The following RC3H1 variants were observed in gnomAD, a reference collection of about 807,000 sequenced individuals.
The protein encoded by RC3H1 is roquin-1.
Under a neutral mutation model 138.2 loss-of-function variants are expected in RC3H1, and 50 were observed. That is an observed-to-expected ratio of 0.36 (90% CI 0.29 to 0.46). The LOEUF (loss-of-function observed/expected upper bound fraction) is 0.46, where lower values mean the gene tolerates loss of function less well. Among genes scored for constraint, RC3H1 ranks in the 20% least tolerant of loss-of-function variants. The pLI, the probability that RC3H1 is intolerant of heterozygous loss-of-function variation, is 1.00. For missense variants in RC3H1, 1,031 were observed against 1,388.1 expected, an observed-to-expected ratio of 0.74 and a Z score of 4.09; for synonymous variants, 462 against 489.1, an observed-to-expected ratio of 0.94 and a Z score of 0.73.
At chr1:174,019,550 A>G (rs1014663165) in intron 1 of RC3H1, among the ~76,000 whole-genome samples, 1 of 152,230 alleles carries the variant, frequency 6.6e-6, no homozygotes, top group Non-Finnish European at 1.5e-5. Context: ...ATTTTTATTC[A>G]TTCAACAAAT....
rs1359841977 is a variant in RC3H1, at chr1:173,952,017, T to C, written c.2492A>G (p.Asp831Gly). Residue 831 changes from aspartate to glycine, a missense_variant, in exon 14 of 20, where the codon GAT (aspartate) becomes GGT (glycine). This residue lies in a region of RC3H1 where 716 missense variants were observed against 837.9 expected (regional missense o/e 0.85). Transcript: ENST00000367696. ...YIGTKDAKPK[D>G]VVAAGSVEMM... ...TTCCACACTCCCTGCTGCCACAACA[T>C]CTTTGGGTTTTGCATCTTTGGTTCC... The C allele has an allele frequency of 1.2e-6, 2 of 1,608,482 alleles. No homozygotes were observed. Among genetic ancestry groups the C allele is most frequent in the African/African-American group, 1.3e-5 (1 of 74,798 alleles).
chr1:173,951,329 C>CA (rs924169350), intron 14 of RC3H1, among the ~76,000 whole-genome samples: 2 of 151,358 alleles, frequency 1.3e-5, no homozygotes, highest in Non-Finnish European at 2.9e-5. Flanking sequence ...CCATCCCCCC[C>CA]CCAAAAAAAG....
At chr1:173,955,740 ATATT>A (rs1341239089) in intron 13 of RC3H1, among the ~76,000 whole-genome samples, 2 of 152,178 alleles carry the variant, frequency 1.3e-5, no homozygotes, top group African/African-American at 4.8e-5. Flanking sequence ...TCATAAGGAG[ATATT>A]TATTTAGCCC....
intron 1 of RC3H1, among the ~76,000 whole-genome samples, chr1:174,016,374 T>C (rs1394124703): frequency 6.6e-6 from 1 of 150,924 alleles, no homozygotes; most frequent in Non-Finnish European, 1.5e-5. Flanking sequence ...TACTGCAGAG[T>C]TCTAAATATT....
chr1:173,964,744 G>GT (rs10709709), intron 10 of RC3H1, 95 bp downstream of exon 10: 38,504 of 888,920 alleles, frequency 0.043, no homozygotes, highest in South Asian at 0.062. Flanking sequence ...AATAATCAGG[G>GT]TTTTTTTTTT....
intron 13 of RC3H1, among the ~76,000 whole-genome samples, chr1:173,955,387 G>A (rs1571184534): frequency 1.4e-5 from 2 of 143,666 alleles, no homozygotes; most frequent in Non-Finnish European, 3.0e-5. Context: ...GCGCGATCTC[G>A]GCTCACTGCA....
At chr1:173,989,151 G>A (rs147992755) in intron 2 of RC3H1, among the ~76,000 whole-genome samples, 48 of 152,304 alleles carry the variant, frequency 3.2e-4, no homozygotes, top group Non-Finnish European at 4.7e-4. Flanking sequence ...TGCCACCTCA[G>A]CCTCACAGAT....
chr1:173,947,553 C>T lies in RC3H1; in HGVS notation c.2553G>A (p.Gln851=), dbSNP rs1659185581. Residue 851 remains glutamine (Q), a synonymous_variant, in exon 15 of 20, where the codon CAG becomes CAA. Transcript: ENST00000367696. ...CTGCTCTTCTCTGAAGATCTAATCGCTGGTCCCTCATTCCTTTACTCTCCA... is the reference window on the plus strand; with the variant it reads ...CTGCTCTTCTCTGAAGATCTAATCGTTGGTCCCTCATTCCTTTACTCTCCA... ...MNVESKGMRD[Q]RLDLQRRAAE... is the part of the protein sequence containing the mutation. The T allele has an allele frequency of 6.2e-7, 1 of 1,614,040 alleles. No homozygotes were observed. Among genetic ancestry groups the T allele is most frequent in the Non-Finnish European group, 8.5e-7 (1 of 1,179,996 alleles).
intron 1 of RC3H1, among the ~76,000 whole-genome samples, chr1:173,998,138 T>C (rs1352299020): frequency 6.6e-6 from 1 of 151,842 alleles, no homozygotes; most frequent in Non-Finnish European, 1.5e-5. Flanking sequence ...GTCAGCAAAC[T>C]AAAAAAGGGC....
intron 13 of RC3H1, among the ~76,000 whole-genome samples, chr1:173,960,464 T>C (rs953423255): frequency 1.3e-5 from 2 of 152,210 alleles, no homozygotes; most frequent in African/African-American, 2.4e-5. Flanking sequence ...ATTTTTGGTA[T>C]GAAATCCTTG....
At chr1:173,940,993 T>C (rs544957679) in intron 19 of RC3H1, among the ~76,000 whole-genome samples, 3 of 152,208 alleles carry the variant, frequency 2.0e-5, no homozygotes, top group Admixed American at 1.3e-4. Context: ...AACTAATCTT[T>C]GTATTTTTAG....
intron 1 of RC3H1, among the ~76,000 whole-genome samples, chr1:174,012,072 G>A (rs2103096757): frequency 6.6e-6 from 1 of 152,084 alleles, no homozygotes; most frequent in South Asian, 2.1e-4. Context: ...TTAGCAGGGT[G>A]TGCTGGCACG....
intron 4 of RC3H1, 43 bp from the exon 5 acceptor site, chr1:173,982,945 A>G: frequency 1.3e-6 from 2 of 1,523,688 alleles, no homozygotes; most frequent in Non-Finnish European, 1.8e-6. Context: ...AAGTACATAG[A>G]TAAGATAAAT....
chr1:173,978,968 A>G (rs1660691793), intron 6 of RC3H1, among the ~76,000 whole-genome samples: 1 of 152,144 alleles, frequency 6.6e-6, no homozygotes, highest in South Asian at 2.1e-4. Flanking sequence ...TGCTTTCCTC[A>G]TCGCTTTTAA....
chr1:173,935,104 A>C lies in RC3H1; in HGVS notation c.*3617T>G, dbSNP rs1658525067. 1 of 152,206 alleles carries C rather than the reference A, an allele frequency of 6.6e-6. No individual in the cohort carries two copies. Among genetic ancestry groups the C allele is most frequent in the Non-Finnish European group, 1.5e-5 (1 of 68,022 alleles). The allele number at this position is 152,206 out of a possible 1,614,324, so 9.4% of individuals were successfully genotyped here. A position where few individuals can be genotyped will look rare whatever the true frequency, so the allele number is the denominator to read the frequency against. On this transcript the variant is annotated 3_prime_UTR_variant, in exon 20 of 20. Coordinates refer to ENST00000367696, the MANE Select transcript of RC3H1 (RefSeq NM_172071.4). Reference sequence around the variant, plus strand: ...ATAATGTCTTATCAATATCTAGAATACTACTACTAGAAATCTAGCTAACTC... The same window carrying C: ...ATAATGTCTTATCAATATCTAGAATCCTACTACTAGAAATCTAGCTAACTC...
chr1:173,977,061 T>C (rs1414832828), intron 7 of RC3H1, among the ~76,000 whole-genome samples: 1 of 152,060 alleles, frequency 6.6e-6, no homozygotes. Flanking sequence ...TAGCTGGGAC[T>C]ACAGGCGCCC....
intron 8 of RC3H1, among the ~76,000 whole-genome samples, chr1:173,971,170 C>G (rs868331569): frequency 1.3e-5 from 2 of 151,962 alleles, no homozygotes; most frequent in African/African-American, 2.4e-5. Flanking sequence ...TCATGTTAGC[C>G]AGGCTGGTCT....
rs895128939 is a variant in RC3H1, at chr1:174,008,492, C to T, written c.-151+13604G>A. ...GAAGGAGGAAGAGGAGGAGCTGATT[C>T]ATTTTCCATTTTAGAATTATTTCTC... On this transcript the variant is annotated intron_variant, in intron 1 of 19. Transcript: ENST00000367696. 5.9e-5 allele frequency among the ~76,000 whole-genome samples: 9 copies of T among 152,098 alleles called. No homozygotes were observed. In the East Asian group the frequency reaches 1.2e-3, roughly 20 times the overall value.
At chr1:174,001,304 T>G (rs966248565) in intron 1 of RC3H1, among the ~76,000 whole-genome samples, 8 of 152,220 alleles carry the variant, frequency 5.3e-5, no homozygotes, top group Admixed American at 5.2e-4. Flanking sequence ...TAAGACAGTC[T>G]TTAACTTTAC....
Sources: allele counts gnomAD v4.1 joint callset (sites outside exome capture counted in the v4.1 genomes callset), GRCh38; gene constraint gnomAD v4.1.1; regional missense constraint gnomAD v4.1.1; transcripts MANE v1.5; gene names NCBI Gene and HGNC (gene_info 2026-07-23, HGNC 2026-07-21).